SMAD2: variants seen among roughly 807,000 people sequenced by gnomAD.
SMAD2 encodes MAD homolog 2.
A neutral mutation model predicts 64.4 loss-of-function variants in SMAD2; 8 were observed. The observed-to-expected ratio is 0.12, with a 90% CI of 0.07 to 0.22. The LOEUF is 0.22. SMAD2 is among the 10% of genes least tolerant of loss of function. The pLI is 1.00. For missense variants in SMAD2, 289 were observed against 561.2 expected, an observed-to-expected ratio of 0.51 and a Z score of 4.90; for synonymous variants, 203 against 195.8, an observed-to-expected ratio of 1.04 and a Z score of -0.31.
chr18:47,845,130 C>A (rs368716328), intron 10 of SMAD2: 6 of 635,128 alleles, frequency 9.4e-6, no homozygotes, highest in Non-Finnish European at 1.7e-5. Flanking sequence ...TTAAAATGCA[C>A]GCCTGTGCAT....
chr18:47,891,430 CAG>C (rs778219713), intron 2 of SMAD2, among the ~76,000 whole-genome samples: 1 of 151,986 alleles, frequency 6.6e-6, no homozygotes. Flanking sequence ...GATGAAAAAA[CAG>C]GGGTGGGAGG....
At chr18:47,903,193 A>G (rs1264165692) in intron 1 of SMAD2, among the ~76,000 whole-genome samples, 1 of 152,154 alleles carries the variant, frequency 6.6e-6, no homozygotes, top group Non-Finnish European at 1.5e-5. Flanking sequence ...CTGCGGTAGG[A>G]CAGGAAAGAT....
intron 6 of SMAD2, among the ~76,000 whole-genome samples, chr18:47,855,395 C>A (rs1219231547): frequency 6.6e-6 from 1 of 152,082 alleles, no homozygotes; most frequent in Non-Finnish European, 1.5e-5. Context: ...GACTGCTAAA[C>A]CATATGGTAA....
rs569011588 is a variant in SMAD2, at chr18:47,816,401, T to G, written c.*25426A>C. The G allele has an allele frequency of 6.6e-6, 1 of 152,222 alleles. No individual in the cohort carries two copies. The highest frequency in any genetic ancestry group is 2.4e-5 in the African/African-American group (1 of 41,454). The allele number at this position is 152,222 out of a possible 1,614,324, so 9.4% of individuals were successfully genotyped here. A position where few individuals can be genotyped will look rare whatever the true frequency, so the allele number is the denominator to read the frequency against. On this transcript the variant is annotated 3_prime_UTR_variant, in exon 11 of 11. Transcript: ENST00000262160. ...AATTGGAAAATGAGAAAAGATAGTC[T>G]GGTATAACTGCCTGAACAACTTATT...
chr18:47,884,553 T>G (rs1317265425), intron 2 of SMAD2, among the ~76,000 whole-genome samples: 2 of 152,152 alleles, frequency 1.3e-5, no homozygotes, highest in Non-Finnish European at 2.9e-5. Context: ...ATGTAAAACA[T>G]TTACACAACA....
At chr18:47,900,065 T>G (rs140229558) in intron 1 of SMAD2, among the ~76,000 whole-genome samples, 172 of 152,266 alleles carry the variant, frequency 1.1e-3, no homozygotes, top group African/African-American at 4.0e-3. Context: ...AAAGCCAATA[T>G]AACAACCTCT....
At chr18:47,886,712 T>C (rs2032929255) in intron 2 of SMAD2, 1 of 153,002 alleles carries the variant, frequency 6.5e-6, no homozygotes, top group South Asian at 2.1e-4. Flanking sequence ...TTAAGTATTA[T>C]TAGTGATCAC....
In SMAD2 at chr18:47,834,982, G is replaced by A. The variant is rs760884659; in HGVS notation, c.*6845C>T. The stretch of plus-strand genomic sequence containing the variant: ...GTGCTCCACCAGGAGGTCTGGCCTT[G>A]GGAAAAGATGGCGAAAGGAATATTC... On this transcript the variant is annotated 3_prime_UTR_variant, in exon 11 of 11. Coordinates refer to ENST00000262160, the MANE Select transcript of SMAD2 (RefSeq NM_005901.6). The A allele has an allele frequency of 5.6e-4, 124 of 222,570 alleles. No homozygotes were observed. In the Middle Eastern group the frequency reaches 9.7e-3, roughly 17 times the overall value. The allele number at this position is 222,570 out of a possible 1,614,324, so 13.8% of individuals were successfully genotyped here.
At chr18:47,861,550 A>T (rs2031189529) in intron 6 of SMAD2, among the ~76,000 whole-genome samples, 1 of 152,236 alleles carries the variant, frequency 6.6e-6, no homozygotes, top group Admixed American at 6.5e-5. Flanking sequence ...TAAAATACTA[A>T]AAAATTTATC....
At position 47,810,773 on chromosome 18, in the gene SMAD2, A is replaced by G. The variant is rs1912174551; in HGVS notation, c.*31054T>C. 6.6e-6 allele frequency: 1 copy of G among 152,160 alleles called. No homozygotes were observed. The highest frequency in any genetic ancestry group is 2.1e-4 in the South Asian group (1 of 4,822). 9.4% of individuals were successfully genotyped at this position (152,160 alleles called of 1,614,324 possible). A position where few individuals can be genotyped will look rare whatever the true frequency, so the allele number is the denominator to read the frequency against. ...AACACAGCAAGATCCTGTCTCTGTT[A>G]AAAAAGAAGAAAGGAAATGTAAATA... On this transcript the variant is annotated 3_prime_UTR_variant, in exon 11 of 11. Coordinates refer to ENST00000262160, the MANE Select transcript of SMAD2 (RefSeq NM_005901.6).
chr18:47,921,608 C>T (rs893838499), intron 1 of SMAD2, among the ~76,000 whole-genome samples: 9 of 152,128 alleles, frequency 5.9e-5, no homozygotes, highest in African/African-American at 2.2e-4. Context: ...CTCCAAGAAG[C>T]CCCAGATGTT....
At chr18:47,914,649 C>T (rs909327832) in intron 1 of SMAD2, among the ~76,000 whole-genome samples, 1 of 144,378 alleles carries the variant, frequency 6.9e-6, no homozygotes, top group Non-Finnish European at 1.5e-5. Flanking sequence ...CATAATGCCA[C>T]TTCTGTCGCA....
At chr18:47,923,296 C>A (rs924638693) in intron 1 of SMAD2, among the ~76,000 whole-genome samples, 2 of 152,142 alleles carry the variant, frequency 1.3e-5, no homozygotes, top group African/African-American at 4.8e-5. Context: ...TCCTGACCCT[C>A]TTCTGAAGCA....
rs566681272 is a variant in SMAD2 at position 47,830,816 on chromosome 18, G to C, written c.*11011C>G. The C allele has an allele frequency of 1.9e-5, 3 of 156,826 alleles. No homozygotes were observed. The East Asian group carries it at 4.7e-4, about 24-fold the overall frequency. The allele number at this position is 156,826 out of a possible 1,614,324, so 9.7% of individuals were successfully genotyped here. The stretch of plus-strand genomic sequence containing the variant: ...AGATACGTACTCTCAATGGAGAATC[G>C]CTGTTGGGCAGTGGTTAAGGCCTCT... On this transcript the variant is annotated 3_prime_UTR_variant, in exon 11 of 11. Transcript: ENST00000262160.
chr18:47,885,534 A>G (rs1320613084), intron 2 of SMAD2, among the ~76,000 whole-genome samples: 2 of 152,242 alleles, frequency 1.3e-5, no homozygotes, highest in African/African-American at 2.4e-5. Flanking sequence ...AATATAAAAT[A>G]TAAGTACATG....
intron 6 of SMAD2, among the ~76,000 whole-genome samples, 175 bp from the exon 7 acceptor site, chr18:47,851,502 G>A (rs2030074404): frequency 7.5e-6 from 1 of 134,138 alleles, no homozygotes; most frequent in Non-Finnish European, 1.6e-5. Flanking sequence ...GGGGTCGGGG[G>A]AAGAGAAGGG....
rs1912561621 is a variant in SMAD2 at position 47,821,216 on chromosome 18, C to T, written c.*20611G>A. The T allele has an allele frequency of 6.6e-6, 1 of 152,138 alleles. No individual in the cohort carries two copies. The highest frequency in any genetic ancestry group is 6.5e-5 in the Admixed American group (1 of 15,280). 9.4% of individuals were successfully genotyped at this position (152,138 alleles called of 1,614,324 possible). A position where few individuals can be genotyped will look rare whatever the true frequency, so the allele number is the denominator to read the frequency against. ...CTCACAAGTTCAACCTTTGCTGTAT[C>T]TTGCTGCACCTTATTTGTAGGTCAC... On this transcript the variant is annotated 3_prime_UTR_variant, in exon 11 of 11. Transcript: ENST00000262160.
intron 1 of SMAD2, among the ~76,000 whole-genome samples, chr18:47,901,884 A>G (rs956737047): frequency 6.6e-6 from 1 of 152,176 alleles, no homozygotes. Flanking sequence ...AGAATTTGGC[A>G]AATGTCTACG....
At chr18:47,856,376 T>C (rs1298267289) in intron 6 of SMAD2, among the ~76,000 whole-genome samples, 1 of 152,162 alleles carries the variant, frequency 6.6e-6, no homozygotes, top group East Asian at 1.9e-4. Context: ...CTATGTGAGA[T>C]GATGGATTTA....
Sources: allele counts gnomAD v4.1 joint callset (sites outside exome capture counted in the v4.1 genomes callset), GRCh38; gene constraint gnomAD v4.1.1; transcripts MANE v1.5; gene names NCBI Gene and HGNC (gene_info 2026-07-23, HGNC 2026-07-21).